PTPRD: variants seen among roughly 807,000 people sequenced by gnomAD.
PTPRD encodes receptor-type tyrosine-protein phosphatase delta.
Under a neutral mutation model 214.5 loss-of-function variants are expected in PTPRD, and 34 were observed. The observed-to-expected ratio is 0.16, with a 90% confidence interval of 0.12 to 0.21. The LOEUF (loss-of-function observed/expected upper bound fraction) is 0.21, where lower values mean the gene tolerates loss of function less well. Ranked by LOEUF, PTPRD falls within the 10% of genes least tolerant of loss-of-function variation. The pLI is 1.00. For missense variants in PTPRD, 2,545 were observed against 2,398.7 expected (o/e 1.06, Z -1.27); for synonymous variants, 1,128 against 845.7 (o/e 1.33, Z -5.79).
chr9:8,414,304 C>T (rs890059427), intron 35 of PTPRD, among the ~76,000 whole-genome samples: 2 of 152,162 alleles, frequency 1.3e-5, no homozygotes, highest in Admixed American at 6.5e-5. Context: ...TCATTCTAAG[C>T]TATCACCTGT....
chr9:8,376,456 G>T, intron 38 of PTPRD, 151 bp downstream of exon 38: 1 of 1,152,904 alleles, frequency 8.7e-7, no homozygotes, highest in Non-Finnish European at 1.2e-6. Flanking sequence ...GAAGAAAAAT[G>T]GCTGAGTGAT....
rs568408700 is a variant in PTPRD, at chr9:8,515,765, G to A, written c.1543+2083C>T. Among the ~76,000 whole-genome samples, 38 of 152,248 alleles carry A rather than the reference G, an allele frequency of 2.5e-4. No homozygotes were observed. In the South Asian group the frequency reaches 7.5e-3, roughly 30 times the overall value. On this transcript the variant is annotated intron_variant, in intron 21 of 45. Transcript: ENST00000381196. ...ACAGCCTTCAAAAGGAACCAATCCT[G>A]CCAACACCTTGATCTCAGACTCCCT... is the stretch of plus-strand genomic sequence containing the variant.
intron 7 of PTPRD, among the ~76,000 whole-genome samples, chr9:9,654,350 A>C (rs2096455981): frequency 6.6e-6 from 1 of 152,144 alleles, no homozygotes; most frequent in Non-Finnish European, 1.5e-5. Context: ...TAATGATTTC[A>C]ATATGAGCAT....
chr9:9,893,607 TTTG>T (rs1323200939), intron 5 of PTPRD, among the ~76,000 whole-genome samples: 1 of 152,138 alleles, frequency 6.6e-6, no homozygotes, highest in Non-Finnish European at 1.5e-5. Flanking sequence ...CCAAGCTTCT[TTTG>T]TTGTTTTGAC....
At chr9:10,034,327 C>T (rs1452961401) in intron 3 of PTPRD, among the ~76,000 whole-genome samples, 1 of 151,346 alleles carries the variant, frequency 6.6e-6, no homozygotes, top group East Asian at 1.9e-4. Flanking sequence ...TCTATTCCTT[C>T]TGCTAAATCA....
intron 2 of PTPRD, among the ~76,000 whole-genome samples, chr9:10,440,329 T>C (rs2098750590): frequency 1.3e-5 from 2 of 151,798 alleles, no homozygotes; most frequent in Non-Finnish European, 2.9e-5. Flanking sequence ...AAGTTAGTGC[T>C]ATGAATTTTT....
intron 11 of PTPRD, among the ~76,000 whole-genome samples, chr9:8,934,478 A>ATAAATAT (rs2098979878): frequency 1.4e-3 from 12 of 8,472 alleles, no homozygotes; most frequent in Non-Finnish European, 2.2e-3. Flanking sequence ...TATATATATA[A>ATAAATAT]ATATATATAT....
chr9:9,855,032 C>T (rs1017100396), intron 5 of PTPRD, among the ~76,000 whole-genome samples: 2 of 151,710 alleles, frequency 1.3e-5, no homozygotes, highest in African/African-American at 4.8e-5. Flanking sequence ...ATAACAACAA[C>T]ATATTTTCAA....
chr9:10,143,006 C>G (rs572879484), intron 3 of PTPRD, among the ~76,000 whole-genome samples: 1 of 151,452 alleles, frequency 6.6e-6, no homozygotes, highest in South Asian at 2.1e-4. Context: ...TCATCATTCT[C>G]AGTAAACTAT....
intron 2 of PTPRD, among the ~76,000 whole-genome samples, chr9:10,478,718 T>C (rs2099078421): frequency 6.6e-6 from 1 of 151,518 alleles, no homozygotes; most frequent in Admixed American, 6.6e-5. Flanking sequence ...TACTATATTC[T>C]GTAATATATA....
At position 10,011,377 on chromosome 9, in the gene PTPRD, G is replaced by C. The variant is rs562583622; in HGVS notation, c.-472+22341C>G. 2.0e-5 allele frequency among the ~76,000 whole-genome samples: 3 copies of C among 152,060 alleles called. No individual in the cohort carries two copies. The South Asian group carries it at 6.2e-4, about 31-fold the overall frequency. The stretch of plus-strand genomic sequence containing the variant: ...TACATATCTAAAGAGATATCAAGAA[G>C]CTGGCATTTCCTAGCAATTTGGAAC... On this transcript the variant is annotated intron_variant, in intron 4 of 45. Transcript: ENST00000381196.
chr9:10,152,757 G>A (rs372254606), intron 3 of PTPRD, among the ~76,000 whole-genome samples: 37 of 152,248 alleles, frequency 2.4e-4, no homozygotes, highest in African/African-American at 7.7e-4. Context: ...CCTGGAAGGC[G>A]GAGGTTGTGG....
intron 8 of PTPRD, among the ~76,000 whole-genome samples, chr9:9,534,411 C>T (rs1403940790): frequency 1.3e-5 from 2 of 152,006 alleles, no homozygotes; most frequent in Non-Finnish European, 2.9e-5. Context: ...CACGCCCTTA[C>T]ATTCAAGTGC....
chr9:8,388,383 C>T (rs2088021012), intron 37 of PTPRD, among the ~76,000 whole-genome samples: 1 of 152,172 alleles, frequency 6.6e-6, no homozygotes, highest in African/African-American at 2.4e-5. Flanking sequence ...GTTTCAAATT[C>T]TGTCTTGAAT....
chr9:9,863,051 T>A (rs968977395), intron 5 of PTPRD, among the ~76,000 whole-genome samples: 15 of 152,230 alleles, frequency 9.9e-5, no homozygotes, highest in South Asian at 4.1e-4. Context: ...TGAGATTTTT[T>A]AAATTTTACT....
intron 3 of PTPRD, among the ~76,000 whole-genome samples, chr9:10,070,622 T>C (rs10958865): frequency 0.026 from 3,957 of 152,146 alleles, 174 homozygotes; most frequent in East Asian, 0.17. Context: ...TACTATATAC[T>C]TCTTTGATTA....
chr9:10,318,594 G>A (rs2154425711), intron 3 of PTPRD, among the ~76,000 whole-genome samples: 1 of 151,970 alleles, frequency 6.6e-6, no homozygotes, highest in Non-Finnish European at 1.5e-5. Context: ...TCCACAGAAG[G>A]GAGTTCGTTT....
chr9:10,517,229 A>G (rs142566017), intron 2 of PTPRD, among the ~76,000 whole-genome samples: 1 of 151,938 alleles, frequency 6.6e-6, no homozygotes, highest in African/African-American at 2.4e-5. Context: ...TGTTTGTGTG[A>G]TTTGATTTTT....
chr9:8,908,980 T>G (rs1007356767), intron 11 of PTPRD, among the ~76,000 whole-genome samples: 3 of 150,200 alleles, frequency 2.0e-5, no homozygotes, highest in Admixed American at 2.0e-4. Context: ...TATAATTACA[T>G]ATGATATAAA....
Sources: gnomAD v4.1 joint callset for allele counts (sites outside exome capture counted in the v4.1 genomes callset) on GRCh38, gnomAD v4.1.1 for gene constraint, MANE v1.5 for transcripts, NCBI Gene and HGNC (gene_info 2026-07-23, HGNC 2026-07-21) for gene names.